Variants in PRIM2 observed in about 807,000 individuals in gnomAD.
The protein encoded by PRIM2 is DNA primase large subunit.
Under a neutral mutation model 67.3 loss-of-function variants are expected in PRIM2, and 39 were observed. That is an observed-to-expected ratio of 0.58 (90% CI 0.45 to 0.76). The LOEUF is 0.76. Among genes scored for constraint, PRIM2 ranks in the 30% least tolerant of loss-of-function variants. The pLI is 0.00. For synonymous variants in PRIM2, 143 were observed against 198.7 expected (o/e 0.72, Z 2.36); for missense variants, 398 against 598.7 (o/e 0.66, Z 3.50).
intron 7 of PRIM2, among the ~76,000 whole-genome samples, chr6:57,458,070 T>C (rs1165604590): frequency 1.1e-4 from 17 of 152,342 alleles, no homozygotes; most frequent in Admixed American, 1.1e-3. Context: ...CCTGAGAGAA[T>C]CTGTTTGACT....
the PRIM2 span, among the ~76,000 whole-genome samples, chr6:57,292,464 A>G: frequency 2.6e-5 from 4 of 152,164 alleles, no homozygotes; most frequent in Non-Finnish European, 5.9e-5. Flanking sequence ...TCAAGCTACC[A>G]ATGACTTTCT....
chr6:57,629,058 C>T (rs1412623297), intron 12 of PRIM2, among the ~76,000 whole-genome samples: 4 of 152,096 alleles, frequency 2.6e-5, no homozygotes, highest in Non-Finnish European at 5.9e-5. Flanking sequence ...GTCATCCAAC[C>T]CCCTCAGCAA....
Position 57,603,064 on chromosome 6 carries a change from C to A in PRIM2, c.1147+1845C>A, listed in dbSNP as rs1428543323. Among the ~76,000 whole-genome samples the A allele has an allele frequency of 5.3e-3, 808 of 152,264 alleles. 6 individuals carry two copies. Among genetic ancestry groups the A allele is most frequent in the African/African-American group, 0.019 (778 of 41,560 alleles). ...AGAGTTCATTGTGTATTTTGCATAA[C>A]AGTACTTTATCAGATTTGTCTTTTG... On this transcript the variant is annotated intron_variant, in intron 11 of 13. Transcript: ENST00000615550.
rs1489918813 is a variant in PRIM2, at chr6:57,568,417, C to A, written c.1020+30792C>A. On this transcript the variant is annotated intron_variant, in intron 10 of 13. Coordinates refer to ENST00000615550, the MANE Select transcript of PRIM2 (RefSeq NM_000947.5). ...GTAGGAAGAGCTGCCATCTGAAGAA[C>A]TGTGGGTTTGCAGGCTTCTGTGTCA... is the stretch of plus-strand genomic sequence containing the variant. Among the ~76,000 whole-genome samples the A allele has an allele frequency of 4.6e-5, 7 of 152,272 alleles. No homozygotes were observed. The South Asian group carries it at 1.5e-3, about 32-fold the overall frequency.
At chr6:57,311,125 C>A (rs918464624), upstream of PRIM2, among the ~76,000 whole-genome samples, 1 of 143,422 alleles carries the variant, frequency 7.0e-6, no homozygotes, top group Non-Finnish European at 1.5e-5. Context: ...CCCTCACCTC[C>A]CAGACGGGGC....
intron 7 of PRIM2, among the ~76,000 whole-genome samples, chr6:57,425,377 C>T (rs554872006): frequency 6.6e-6 from 1 of 152,168 alleles, no homozygotes; most frequent in South Asian, 2.1e-4. Context: ...ACATCACACC[C>T]AGCTAATTTT....
At chr6:57,622,096 A>C (rs1776868217) in intron 12 of PRIM2, among the ~76,000 whole-genome samples, 1 of 152,108 alleles carries the variant, frequency 6.6e-6, no homozygotes, top group African/African-American at 2.4e-5. Flanking sequence ...GATTACAGCC[A>C]GTTTGTGTTA....
the PRIM2 span, among the ~76,000 whole-genome samples, chr6:57,245,106 G>A: frequency 1.3e-5 from 2 of 152,054 alleles, no homozygotes; most frequent in African/African-American, 4.8e-5. Context: ...TGTTTCTGCT[G>A]CTGCATTTGC....
At chr6:57,382,305 G>T in intron 7 of PRIM2, 137 bp downstream of exon 7, 1 of 1,004,640 alleles carries the variant, frequency 1.0e-6, no homozygotes. Context: ...ATATGATGTT[G>T]TACTGTTAAT....
At chr6:57,367,646 C>G (rs565460259) in intron 5 of PRIM2, among the ~76,000 whole-genome samples, 1 of 152,324 alleles carries the variant, frequency 6.6e-6, no homozygotes, top group African/African-American at 2.4e-5. Context: ...TATGGGCTTT[C>G]TTAGTTGACA....
intron 10 of PRIM2, among the ~76,000 whole-genome samples, chr6:57,542,605 A>C (rs1775186409): frequency 6.6e-6 from 1 of 152,126 alleles, no homozygotes. Context: ...AAAGAAAATA[A>C]ATAATTTTTT....
chr6:57,610,096 T>C (rs1490628249), intron 12 of PRIM2, among the ~76,000 whole-genome samples: 2 of 152,120 alleles, frequency 1.3e-5, no homozygotes, highest in African/African-American at 4.8e-5. Context: ...GGAGACAGAG[T>C]CTTGCTCTGT....
intron 7 of PRIM2, among the ~76,000 whole-genome samples, chr6:57,502,513 C>T (rs1554346964): frequency 6.6e-6 from 1 of 152,306 alleles, no homozygotes; most frequent in Admixed American, 6.5e-5. Context: ...TTTTTTTACA[C>T]GTGACTCATG....
the PRIM2 span, among the ~76,000 whole-genome samples, chr6:57,287,021 T>C: frequency 6.6e-6 from 1 of 152,232 alleles, no homozygotes; most frequent in African/African-American, 2.4e-5. Flanking sequence ...TCATCATCAC[T>C]GGCCATTAGA....
chr6:57,365,867 G>T (rs1769338549), intron 5 of PRIM2, among the ~76,000 whole-genome samples: 1 of 147,942 alleles, frequency 6.8e-6, no homozygotes, highest in South Asian at 2.2e-4. Flanking sequence ...TTGGGAGGCT[G>T]AGGCAGGAGA....
chr6:57,448,007 C>A (rs1386293878), intron 7 of PRIM2, among the ~76,000 whole-genome samples: 1 of 152,058 alleles, frequency 6.6e-6, no homozygotes, highest in African/African-American at 2.4e-5. Context: ...TGAGTATTTG[C>A]TTTATTTACT....
the PRIM2 span, among the ~76,000 whole-genome samples, chr6:57,233,280 A>C: frequency 6.6e-6 from 1 of 152,226 alleles, no homozygotes; most frequent in Non-Finnish European, 1.5e-5. Context: ...GAAAGTAAGA[A>C]TTATATTTTC....
chr6:57,510,894 G>C (rs1774351732), intron 8 of PRIM2, among the ~76,000 whole-genome samples: 2 of 151,898 alleles, frequency 1.3e-5, no homozygotes, highest in African/African-American at 4.8e-5. Flanking sequence ...TAATAATTTT[G>C]TTAGAAAAAA....
chr6:57,544,305 C>T lies in PRIM2; in HGVS notation c.1020+6680C>T, dbSNP rs1466142414. 1.4e-3 allele frequency among the ~76,000 whole-genome samples: 214 copies of T among 151,798 alleles called. 5 individuals are homozygous for T. In the East Asian group the frequency reaches 0.019, roughly 14 times the overall value. On this transcript the variant is annotated intron_variant, in intron 10 of 13. Coordinates refer to ENST00000615550, the MANE Select transcript of PRIM2 (RefSeq NM_000947.5). ...TCTCCAGCTGGAGGGGAGGTTATCT[C>T]GGGGCTGGCATGTCTCTGGTCAGGG...
Sources: gnomAD v4.1 joint callset for allele counts (sites outside exome capture counted in the v4.1 genomes callset) on GRCh38, gnomAD v4.1.1 for gene constraint, MANE v1.5 for transcripts, NCBI Gene and HGNC (gene_info 2026-07-23, HGNC 2026-07-21) for gene names.